Variants in LMF1 observed in about 807,000 individuals in gnomAD.
LMF1 encodes lipase maturation factor 1.
Under a neutral mutation model 60.6 loss-of-function variants are expected in LMF1, and 68 were observed. The observed-to-expected ratio is 1.12, with a 90% CI of 0.92 to 1.37. The LOEUF (loss-of-function observed/expected upper bound fraction) is 1.37, where lower values mean the gene tolerates loss of function less well. LMF1 is among the 40% of genes most tolerant of loss of function. The pLI is 0.00. For synonymous variants in LMF1, 418 were observed against 324.7 expected, an observed-to-expected ratio of 1.29 and a Z score of -3.09; for missense variants, 948 against 767.2, an observed-to-expected ratio of 1.24 and a Z score of -2.78.
chr16:893,568 C>T (rs1467705423), intron 4 of LMF1, among the ~76,000 whole-genome samples: 1 of 152,160 alleles, frequency 6.6e-6, no homozygotes, highest in African/African-American at 2.4e-5. Context: ...CCACACACTG[C>T]AGCTCGCCTG....
At chr16:931,134 G>A (rs1050597350) in intron 3 of LMF1, among the ~76,000 whole-genome samples, 2 of 152,120 alleles carry the variant, frequency 1.3e-5, no homozygotes, top group Non-Finnish European at 2.9e-5. Flanking sequence ...AAAAAAAAAG[G>A]TCTGGGACCG....
intron 3 of LMF1, among the ~76,000 whole-genome samples, chr16:911,695 G>T (rs57693304): frequency 9.5e-6 from 1 of 105,284 alleles, no homozygotes; most frequent in Non-Finnish European, 1.7e-5. Flanking sequence ...AGCACTGGGG[G>T]AGCAGCACTG....
At chr16:920,248 C>T (rs1214590784) in intron 3 of LMF1, among the ~76,000 whole-genome samples, 2 of 152,072 alleles carry the variant, frequency 1.3e-5, no homozygotes, top group Admixed American at 6.5e-5. Flanking sequence ...GGCCCCAGCC[C>T]GTCAGCCCCC....
intron 10 of LMF1, among the ~76,000 whole-genome samples, chr16:857,595 GTGTCACGGGACGGGTGTGAGTGA>G (rs1185322944): frequency 1.1e-5 from 1 of 91,874 alleles, no homozygotes; most frequent in Non-Finnish European, 2.0e-5. Context: ...GGTGTGAGTG[GTGTCACGGGACGGGTGTGAGTGA>G]TGTCACGGGA....
chr16:979,794 A>T, intron 1 of LMF1: 1 of 453,856 alleles, frequency 2.2e-6, no homozygotes, highest in Non-Finnish European at 4.4e-6. Flanking sequence ...AAGGTGGCAC[A>T]GTTTGGACCG....
intron 4 of LMF1, chr16:904,995 C>T (rs1225787385): frequency 9.5e-4 from 34 of 35,690 alleles, no homozygotes; most frequent in East Asian, 1.8e-3. Context: ...GACCTCTGCA[C>T]CGCCCACAGG....
At chr16:883,015 G>T (rs2070208626) in intron 5 of LMF1, among the ~76,000 whole-genome samples, 1 of 136,202 alleles carries the variant, frequency 7.3e-6, no homozygotes, top group African/African-American at 2.8e-5. Flanking sequence ...AGGACCAGGA[G>T]AAAGAGAAGC....
chr16:894,429 T>C (rs970853466), intron 4 of LMF1, among the ~76,000 whole-genome samples: 3 of 88,866 alleles, frequency 3.4e-5, no homozygotes, highest in Admixed American at 1.5e-4. Context: ...ACTCATCCCC[T>C]GTCCACCTGG....
intron 1 of LMF1, among the ~76,000 whole-genome samples, chr16:965,113 G>A (rs191989034): frequency 2.0e-3 from 301 of 152,336 alleles, no homozygotes; most frequent in African/African-American, 6.9e-3. Context: ...CGCCAGCGTT[G>A]GGCATTCCTT....
At chr16:858,372 C>T (rs749694545) in intron 10 of LMF1, among the ~76,000 whole-genome samples, 707 of 10,938 alleles carry the variant, frequency 0.065, 24 homozygotes, top group Admixed American at 0.071. Context: ...TGTCTCGGGA[C>T]GGGTGTGAGT....
chr16:918,693 GCCTT>G (rs2071344669), intron 3 of LMF1, among the ~76,000 whole-genome samples: 1 of 152,114 alleles, frequency 6.6e-6, no homozygotes, highest in East Asian at 1.9e-4. Context: ...GGCCCTTCAG[GCCTT>G]GAGGCACTCA....
chr16:948,349 A>C (rs1247777048), intron 2 of LMF1, among the ~76,000 whole-genome samples: 1 of 148,774 alleles, frequency 6.7e-6, no homozygotes, highest in Non-Finnish European at 1.5e-5. Flanking sequence ...GTCAGAGCCA[A>C]TGACAGAGTC....
At chr16:978,107 ACAC>A (rs1473169910) in intron 1 of LMF1, among the ~76,000 whole-genome samples, 8 of 136,994 alleles carry the variant, frequency 5.8e-5, no homozygotes, top group African/African-American at 2.3e-4. Context: ...GGACACACAC[ACAC>A]CACACACCAT....
At chr16:947,364 G>T (rs1022595295) in intron 2 of LMF1, 1 of 407,454 alleles carries the variant, frequency 2.5e-6, no homozygotes, top group Non-Finnish European at 5.0e-6. Flanking sequence ...GCAGGTGGTG[G>T]AAAAGGTGTT....
intron 2 of LMF1, among the ~76,000 whole-genome samples, chr16:934,839 C>T (rs1223059501): frequency 6.6e-6 from 1 of 152,216 alleles, no homozygotes; most frequent in African/African-American, 2.4e-5. Context: ...CCCACACCTG[C>T]CTCAGCCTCT....
intron 4 of LMF1, chr16:901,203 G>A (rs962826000): frequency 2.0e-5 from 3 of 152,236 alleles, no homozygotes; most frequent in Non-Finnish European, 4.4e-5. Flanking sequence ...CCAGCAACAA[G>A]GACCCTGGCT....
At chr16:889,368 G>A (rs1463260545) in intron 5 of LMF1, among the ~76,000 whole-genome samples, 2 of 146,184 alleles carry the variant, frequency 1.4e-5, no homozygotes, top group Non-Finnish European at 3.0e-5. Context: ...GGATGGCCAT[G>A]GGTGTGAGGC....
Position 970,964 on chromosome 16 carries a change from G to C in LMF1, c.17C>G (p.Pro6Arg). The C allele has an allele frequency of 6.6e-7, 1 of 1,526,420 alleles. No individual in the cohort carries two copies. Among genetic ancestry groups the C allele is most frequent in the Non-Finnish European group, 8.8e-7 (1 of 1,132,266 alleles). 94.6% of individuals were successfully genotyped at this position (1,526,420 alleles called of 1,614,324 possible). A position where few individuals can be genotyped will look rare whatever the true frequency, so the allele number is the denominator to read the frequency against. Reference sequence around the variant, plus strand: ...CGACTCCGCGGGCGCCGCCATTGTTGGGCTGTCAGGGCGCATGTGCGGGGA... The same window carrying C: ...CGACTCCGCGGGCGCCGCCATTGTTCGGCTGTCAGGGCGCATGTGCGGGGA... MRPDS[P>R]TMAAPAESLR... Residue 6 changes from proline to arginine, a missense_variant, in exon 1 of 11, where the codon CCA (proline) becomes CGA (arginine). Transcript: ENST00000262301.
intron 10 of LMF1, among the ~76,000 whole-genome samples, chr16:863,016 G>A (rs1352502249): frequency 6.6e-6 from 1 of 152,198 alleles, no homozygotes; most frequent in Admixed American, 6.5e-5. Flanking sequence ...TAGTTATAGG[G>A]CTATTTAAAT....
Sources: allele counts gnomAD v4.1 joint callset (sites outside exome capture counted in the v4.1 genomes callset), GRCh38; gene constraint gnomAD v4.1.1; transcripts MANE v1.5; gene names NCBI Gene and HGNC (gene_info 2026-07-23, HGNC 2026-07-21).